POLN: variants seen among roughly 807,000 people sequenced by gnomAD.
The protein encoded by POLN is DNA polymerase nu, also known as DNA polymerase N.
A neutral mutation model predicts 113.5 loss-of-function variants in POLN; 108 were observed. The observed-to-expected ratio is 0.95, with a 90% CI of 0.81 to 1.12. The LOEUF (loss-of-function observed/expected upper bound fraction) is 1.12. Ranked by LOEUF, POLN falls within the 50% of genes most tolerant of loss-of-function variation. POLN has a pLI of 0.00. For missense variants in POLN, 1,097 were observed against 1,077.1 expected (o/e 1.02, Z -0.26); for synonymous variants, 386 against 391.5 (o/e 0.99, Z 0.17).
At position 2,127,659 on chromosome 4, in the gene POLN, C is replaced by G. The variant is rs1049821126; in HGVS notation, c.1982+454G>C. Reference sequence around the variant, plus strand: ...GCTGCCCAACAAAACCCGAGCCCATCTGCCTCTGGAATTCTCTGTGAGTGT... The same window carrying G: ...GCTGCCCAACAAAACCCGAGCCCATGTGCCTCTGGAATTCTCTGTGAGTGT... On this transcript the variant is annotated intron_variant, in intron 19 of 25. Transcript: ENST00000511885. The surrounding 1 kb of genome is among the most constrained non-coding windows in gnomAD (Gnocchi z 4.7). 2.6e-5 allele frequency among the ~76,000 whole-genome samples: 4 copies of G among 152,242 alleles called. No individual in the cohort carries two copies. The highest frequency in any genetic ancestry group is 2.6e-4 in the Admixed American group (4 of 15,288).
intron 19 of POLN, among the ~76,000 whole-genome samples, chr4:2,098,965 G>T (rs953481650): frequency 1.3e-5 from 2 of 152,304 alleles, no homozygotes; most frequent in Admixed American, 1.3e-4. Flanking sequence ...TAAGTCAAGG[G>T]ACACAGGAGC....
At chr4:2,109,009 T>G (rs1731132324) in intron 19 of POLN, among the ~76,000 whole-genome samples, 1 of 151,876 alleles carries the variant, frequency 6.6e-6, no homozygotes, top group Non-Finnish European at 1.5e-5. Context: ...GCTGCTGCTT[T>G]GGAGGGTTTG....
At chr4:2,091,730 G>A (rs1295139378) in intron 20 of POLN, among the ~76,000 whole-genome samples, 1 of 151,516 alleles carries the variant, frequency 6.6e-6, no homozygotes, top group Non-Finnish European at 1.5e-5. Flanking sequence ...TCCCACAGAC[G>A]GCTAACCCTA....
At chr4:2,184,250 TA>T (rs59002499) in intron 7 of POLN, among the ~76,000 whole-genome samples, 87 of 140,658 alleles carry the variant, frequency 6.2e-4, no homozygotes, top group Admixed American at 6.3e-4. Context: ...CACTAGACTT[TA>T]AAAAAAAAAA....
At position 2,117,325 on chromosome 4, in the gene POLN, T is replaced by C. The variant is rs1026876936; in HGVS notation, c.1982+10788A>G. Among the ~76,000 whole-genome samples, 4 of 152,224 alleles carry C rather than the reference T, an allele frequency of 2.6e-5. No homozygotes were observed. The East Asian group carries it at 5.8e-4, about 22-fold the overall frequency. On this transcript the variant is annotated intron_variant, in intron 19 of 25. Coordinates refer to ENST00000511885, the MANE Select transcript of POLN (RefSeq NM_181808.4). ...ATACTCTTCATTTAGGGAGGGGTAA[T>C]AAATATTTTTTAATAATAATACAGT...
chr4:2,222,354 G>A (rs956742365), intron 3 of POLN, among the ~76,000 whole-genome samples: 1 of 151,938 alleles, frequency 6.6e-6, no homozygotes, highest in African/African-American at 2.4e-5. Flanking sequence ...ACCAGACTGG[G>A]CAGCATGGTG....
At position 2,193,321 on chromosome 4, in the gene POLN, A is replaced by G. The variant is rs1242493548; in HGVS notation, c.909-5T>C. The G allele has an allele frequency of 1.9e-6, 3 of 1,551,902 alleles. No individual in the cohort carries two copies. The highest frequency in any genetic ancestry group is 1.8e-6 in the Non-Finnish European group (2 of 1,142,386). ...ATTGTTTGAAATAGCACGTTCCTAG[A>G]AGATGAAAAGAAATTCACTGATTTA... On this transcript the variant is annotated splice_polypyrimidine_tract_variant and splice_region_variant and intron_variant, in intron 6 of 25. Transcript: ENST00000511885.
At chr4:2,120,375 C>A (rs1172612853) in intron 19 of POLN, among the ~76,000 whole-genome samples, 2 of 151,464 alleles carry the variant, frequency 1.3e-5, no homozygotes, top group African/African-American at 4.9e-5. Flanking sequence ...GTCTTCCATA[C>A]CCCGAACATG....
intron 3 of POLN, among the ~76,000 whole-genome samples, chr4:2,218,076 CAA>C (rs949558482): frequency 1.3e-5 from 2 of 151,998 alleles, no homozygotes; most frequent in African/African-American, 4.8e-5. Context: ...ACTTTGACCC[CAA>C]GAGTTTGAGG....
In POLN at chr4:2,079,670, C is replaced by T. The variant is rs574765307; in HGVS notation, c.2387+1288G>A. 10 of 936,234 alleles carry T rather than the reference C, an allele frequency of 1.1e-5. No individual in the cohort carries two copies. The African/African-American group carries it at 1.2e-4, about 12-fold the overall frequency. 58.0% of individuals were successfully genotyped at this position (936,234 alleles called of 1,614,324 possible). A position where few individuals can be genotyped will look rare whatever the true frequency, so the allele number is the denominator to read the frequency against. On this transcript the variant is annotated intron_variant, in intron 23 of 25. Transcript: ENST00000511885. ...TGCGATCTTGGCACACTGCAACCTC[C>T]ACCTCCTGGGTTCAAGCGATCCTCC...
intron 5 of POLN, among the ~76,000 whole-genome samples, chr4:2,203,352 C>T (rs1002677562): frequency 1.3e-5 from 2 of 151,558 alleles, no homozygotes; most frequent in African/African-American, 2.4e-5. Flanking sequence ...GAAGCTGAAG[C>T]AGGTGGATCA....
chr4:2,093,713 A>G lies in POLN; in HGVS notation c.2065+2138T>C, dbSNP rs529837001. On this transcript the variant is annotated intron_variant, in intron 20 of 25. Transcript: ENST00000511885. This position sits in a 1 kb window ranked among gnomAD's most constrained non-coding sequence, Gnocchi z 4.1. ...CAGGGGTGCAGCACAGAAGAGGCTGAGAGGAGGCAGTGGACCAAGCAACTC... is the reference window on the plus strand; with the variant it reads ...CAGGGGTGCAGCACAGAAGAGGCTGGGAGGAGGCAGTGGACCAAGCAACTC... Among the ~76,000 whole-genome samples, 1 of 152,348 alleles carries G rather than the reference A, an allele frequency of 6.6e-6. No homozygotes were observed. The highest frequency in any genetic ancestry group is 2.4e-5 in the African/African-American group (1 of 41,574).
chr4:2,078,473 CTTTTT>C, intron 23 of POLN: 12 of 530,104 alleles, frequency 2.3e-5, no homozygotes, highest in Non-Finnish European at 2.6e-5. Flanking sequence ...TCTTCTTCTT[CTTTTT>C]TTTTTTTTTT....
intron 23 of POLN, chr4:2,080,746 C>T: frequency 7.0e-7 from 1 of 1,436,096 alleles, no homozygotes; most frequent in South Asian, 1.4e-5. Flanking sequence ...CTGGAGAGGC[C>T]TCATCTGCAC....
In POLN at chr4:2,229,176, C is replaced by A; in HGVS notation, c.56G>T (p.Ser19Ile). The change falls in exon 3 of 26, where the codon AGT becomes ATT. Residue 19 changes from serine (S) to isoleucine (I), a missense_variant. Transcript: ENST00000511885. ...AGCAGACATAATCTTCTGAGCAACA[C>A]TGGAGAGCGGTGTATTACAGAGATC... The part of the protein sequence containing the change: ...GFDLCNTPLS[S>I]VAQKIMSAMH... The A allele has an allele frequency of 6.2e-7, 1 of 1,611,382 alleles. No homozygotes were observed.
Position 2,084,466 on chromosome 4 carries a change from C to T in POLN, c.2197+1147G>A, listed in dbSNP as rs1730503018. ...GGATGCTTGTGGGTTTACCATGTCCCCCAAGGACTGTAAGCTCCACGGGAG... is the reference window on the plus strand; with the variant it reads ...GGATGCTTGTGGGTTTACCATGTCCTCCAAGGACTGTAAGCTCCACGGGAG... On this transcript the variant is annotated intron_variant, in intron 21 of 25. Coordinates refer to ENST00000511885, the MANE Select transcript of POLN (RefSeq NM_181808.4). Among the ~76,000 whole-genome samples, 5 of 152,220 alleles carry T rather than the reference C, an allele frequency of 3.3e-5. No homozygotes were observed. The South Asian group carries it at 1.0e-3, about 32-fold the overall frequency.
intron 25 of POLN, 68 bp downstream of exon 25, chr4:2,072,900 C>T: frequency 6.5e-7 from 1 of 1,541,210 alleles, no homozygotes; most frequent in Non-Finnish European, 8.9e-7. Context: ...GGCTCTTTTG[C>T]CCTGGGGGTG....
At chr4:2,223,944 A>C (rs988470514) in intron 3 of POLN, among the ~76,000 whole-genome samples, 2 of 152,222 alleles carry the variant, frequency 1.3e-5, no homozygotes, top group African/African-American at 2.4e-5. Flanking sequence ...AGGACACACT[A>C]AATTTATTTT....
Position 2,170,753 on chromosome 4 carries a change from G to C in POLN, c.1480C>G (p.Leu494Val). 6.2e-7 allele frequency: 1 copy of C among 1,614,144 alleles called. No homozygotes were observed. The highest frequency in any genetic ancestry group is 1.3e-5 in the African/African-American group (1 of 75,062). Residue 494 changes from leucine (L) to valine (V), a missense_variant, in exon 13 of 26, where the codon CTG (leucine) becomes GTG (valine). Transcript: ENST00000511885. ...LREILFGKLK[L>V]HLLSQRNSLP... ...CTGTTCCTTTGACTCAGCAGGTGCA[G>C]CTTTAACTTGCCAAAGAGGATCTTC...
Sources: gnomAD v4.1 joint callset for allele counts (sites outside exome capture counted in the v4.1 genomes callset) on GRCh38, gnomAD v4.1.1 for gene constraint, Gnocchi (gnomAD v3.1) non-coding constraint, MANE v1.5 for transcripts, NCBI Gene and HGNC (gene_info 2026-07-23, HGNC 2026-07-21) for gene names.